The following LARP1B variants were observed in gnomAD, a reference collection of about 807,000 sequenced individuals.
LARP1B encodes the protein La ribonucleoprotein 1B, also known as la-related protein 1B.
LARP1B carries 76 observed loss-of-function variants against 114.2 expected under a neutral mutation model. The ratio of observed to expected loss-of-function variants is 0.67; its 90% CI spans 0.55 to 0.81. The LOEUF (loss-of-function observed/expected upper bound fraction) is 0.81, where lower values mean the gene tolerates loss of function less well. Among genes scored for constraint, LARP1B ranks in the 30% least tolerant of loss-of-function variants. The probability of loss-of-function intolerance (pLI) is 0.00; values close to 1 mark genes in which losing one functional copy is unlikely to be tolerated. For synonymous variants in LARP1B, 345 were observed against 348.0 expected, an observed-to-expected ratio of 0.99 and a Z score of 0.10; for missense variants, 1,014 against 1,075.8, an observed-to-expected ratio of 0.94 and a Z score of 0.80.
At position 128,179,415 on chromosome 4, in the gene LARP1B, A is replaced by G. The variant is rs1156360674; in HGVS notation, c.1906A>G (p.Lys636Glu). 9 of 1,602,710 alleles carry G rather than the reference A, an allele frequency of 5.6e-6. No homozygotes were observed. Among genetic ancestry groups the G allele is most frequent in the Non-Finnish European group, 6.8e-6 (8 of 1,175,842 alleles). The change falls in exon 15 of 20, where the codon AAG (lysine) becomes GAG (glutamate). Residue 636 changes from lysine to glutamate, a missense_variant. Transcript: ENST00000326639. ...ACTTTATTTTCTTTAGAGTCCAAGA[A>G]AGAGAAAAACAAGGCATAGCACAAA... is the stretch of plus-strand genomic sequence containing the variant. ...PKAIDVKSPRKRKTRHSTNPP... is the reference protein window; with the variant it reads ...PKAIDVKSPRERKTRHSTNPP...
intron 11 of LARP1B, among the ~76,000 whole-genome samples, chr4:128,141,934 A>G (rs1019411260): frequency 6.6e-6 from 1 of 152,170 alleles, no homozygotes; most frequent in South Asian, 2.1e-4. Flanking sequence ...CCTTACCTGT[A>G]TTTATTTCAG....
downstream of LARP1B, among the ~76,000 whole-genome samples, chr4:128,212,600 G>A (rs1759139509): frequency 6.6e-6 from 1 of 152,034 alleles, no homozygotes; most frequent in Admixed American, 6.6e-5. Context: ...AATGAGCCGA[G>A]TCCGCACCAC....
At chr4:128,143,796 GGTGT>G (rs72408437) in intron 11 of LARP1B, among the ~76,000 whole-genome samples, 1 of 147,844 alleles carries the variant, frequency 6.8e-6, no homozygotes, top group African/African-American at 2.5e-5. Flanking sequence ...TAAGGCACAG[GGTGT>G]GTGTGTGTGT....
In LARP1B at chr4:128,098,261, G is replaced by A. The variant is rs943295641; in HGVS notation, c.744G>A (p.Leu248=). The A allele has an allele frequency of 1.2e-6, 2 of 1,613,750 alleles. No homozygotes were observed. The highest frequency in any genetic ancestry group is 1.7e-6 in the Non-Finnish European group (2 of 1,179,748). ...LRGKMDEQGF[L]PISLIAGFQR... is the part of the protein sequence containing the mutation. ...GAAAGATGGATGAACAAGGTTTCTT[G>A]CCTATTTCCCTGATTGCTGGTTTTC... The change falls in exon 8 of 20, where the codon TTG becomes TTA. Residue 248 remains leucine, a synonymous_variant. Transcript: ENST00000326639.
chr4:128,122,702 A>G (rs952197414), intron 11 of LARP1B: 11 of 1,300,342 alleles, frequency 8.5e-6, no homozygotes, highest in African/African-American at 1.5e-5. Flanking sequence ...ATAAATGACT[A>G]AACTGGATGA....
At chr4:128,081,506 A>G (rs963093077) in intron 4 of LARP1B, among the ~76,000 whole-genome samples, 3 of 150,294 alleles carry the variant, frequency 2.0e-5, no homozygotes, top group African/African-American at 4.9e-5. Flanking sequence ...TGTTTCTTCT[A>G]CGAAATGACA....
At chr4:128,128,904 C>G (rs548757470) in intron 11 of LARP1B, among the ~76,000 whole-genome samples, 1 of 152,212 alleles carries the variant, frequency 6.6e-6, no homozygotes, top group South Asian at 2.1e-4. Flanking sequence ...GTGGCTCACG[C>G]CTGTAATCCC....
chr4:128,153,345 C>T (rs1733808983), intron 11 of LARP1B, among the ~76,000 whole-genome samples: 1 of 143,686 alleles, frequency 7.0e-6, no homozygotes, highest in African/African-American at 2.6e-5. Context: ...GAGACAGACT[C>T]TCAGTCTGTC....
intron 9 of LARP1B, among the ~76,000 whole-genome samples, chr4:128,110,286 A>T (rs1043736505): frequency 1.3e-5 from 2 of 151,850 alleles, no homozygotes; most frequent in African/African-American, 2.4e-5. Flanking sequence ...ATGTATCTAA[A>T]TTTTTTTTGT....
At chr4:128,206,179 C>G (rs1011882246) in intron 17 of LARP1B, among the ~76,000 whole-genome samples, 5 of 152,058 alleles carry the variant, frequency 3.3e-5, no homozygotes, top group African/African-American at 1.2e-4. Context: ...GTAATCCCAG[C>G]TACTCGGGAG....
chr4:128,069,677 A>C, intron 1 of LARP1B: 1 of 475,034 alleles, frequency 2.1e-6, no homozygotes, highest in South Asian at 2.4e-5. Flanking sequence ...AAATCACAAT[A>C]TGGGTTTATT....
chr4:128,193,607 TA>T (rs1346353851), intron 15 of LARP1B, among the ~76,000 whole-genome samples: 5 of 152,074 alleles, frequency 3.3e-5, no homozygotes, highest in African/African-American at 7.2e-5. Flanking sequence ...TTTTTTATTT[TA>T]TTTTTTTATT....
rs1020759521 is a variant in LARP1B, at chr4:128,092,943, A to C, written c.668+1431A>C. 4.1e-6 allele frequency: 4 copies of C among 985,330 alleles called. No individual in the cohort carries two copies. In the African/African-American group the frequency reaches 5.2e-5, roughly 13 times the overall value. The allele number at this position is 985,330 out of a possible 1,614,324, so 61.0% of individuals were successfully genotyped here. A position where few individuals can be genotyped will look rare whatever the true frequency, so the allele number is the denominator to read the frequency against. On this transcript the variant is annotated intron_variant, in intron 7 of 19. Transcript: ENST00000326639. Reference sequence around the variant, plus strand: ...CTCCATGTCAGGATAATCGGCCTCCAGTGTGCTCATACAAGTGAGGGAGGA... The same window carrying C: ...CTCCATGTCAGGATAATCGGCCTCCCGTGTGCTCATACAAGTGAGGGAGGA...
At chr4:128,144,037 A>G (rs1729281841) in intron 11 of LARP1B, among the ~76,000 whole-genome samples, 1 of 152,110 alleles carries the variant, frequency 6.6e-6, no homozygotes, top group Admixed American at 6.6e-5. Flanking sequence ...TCTTTGTTGT[A>G]GAAGCTGTCT....
At chr4:128,175,717 T>C (rs1745573469) in intron 12 of LARP1B, among the ~76,000 whole-genome samples, 2 of 152,316 alleles carry the variant, frequency 1.3e-5, no homozygotes, top group Non-Finnish European at 2.9e-5. Context: ...ATTTATTCAA[T>C]GTGTTTATTA....
At chr4:128,126,349 C>T (rs1397050292) in intron 11 of LARP1B, among the ~76,000 whole-genome samples, 1 of 152,054 alleles carries the variant, frequency 6.6e-6, no homozygotes, top group African/African-American at 2.4e-5. Flanking sequence ...TCTCGAACTC[C>T]TGACCTCAAG....
At chr4:128,085,312 G>T (rs1772984602) in intron 5 of LARP1B, among the ~76,000 whole-genome samples, 1 of 145,728 alleles carries the variant, frequency 6.9e-6, no homozygotes, top group African/African-American at 2.5e-5. Flanking sequence ...AGACTGTGGA[G>T]ATAATAATTT....
Position 128,114,648 on chromosome 4 carries a change from T to C in LARP1B, c.1067T>C (p.Met356Thr), listed in dbSNP as rs1036325055. ...AGTGAAACAAGTATTCTTCAAGCAA[T>C]GTCTAGAGGTTTGTCTACCAGTTTG... ...KNSETSILQA[M>T]SRGLSTSLPD... Residue 356 changes from methionine (M) to threonine (T), a missense_variant, in exon 10 of 20, where the codon ATG becomes ACG. By Grantham distance (81) the Met-to-Thr change is moderately conservative. Coordinates refer to ENST00000326639, the MANE Select transcript of LARP1B (RefSeq NM_018078.4). 1.3e-5 allele frequency: 21 copies of C among 1,613,836 alleles called. No homozygotes were observed. The highest frequency in any genetic ancestry group is 1.8e-5 in the Non-Finnish European group (21 of 1,179,862).
At chr4:128,193,334 G>A (rs1203272373) in intron 15 of LARP1B, among the ~76,000 whole-genome samples, 1 of 152,124 alleles carries the variant, frequency 6.6e-6, no homozygotes, top group Non-Finnish European at 1.5e-5. Flanking sequence ...GATTTCTTTA[G>A]TAGGTTCGTA....
Sources: allele counts gnomAD v4.1 joint callset (sites outside exome capture counted in the v4.1 genomes callset), GRCh38; gene constraint gnomAD v4.1.1; transcripts MANE v1.5; gene names NCBI Gene and HGNC (gene_info 2026-07-23, HGNC 2026-07-21).